ATP8A2: variants seen among roughly 807,000 people sequenced by gnomAD.
ATP8A2 encodes phospholipid-transporting ATPase IB.
A neutral mutation model predicts 165.6 loss-of-function variants in ATP8A2; 100 were observed. The ratio of observed to expected loss-of-function variants is 0.60; its 90% CI spans 0.51 to 0.71. The LOEUF is 0.71. Among genes scored for constraint, ATP8A2 ranks in the 30% least tolerant of loss-of-function variants. ATP8A2 has a pLI of 0.00. For missense variants in ATP8A2, 1,227 were observed against 1,479.5 expected (o/e 0.83, Z 2.80); for synonymous variants, 543 against 548.8 (o/e 0.99, Z 0.15).
intron 24 of ATP8A2, among the ~76,000 whole-genome samples, chr13:25,685,489 A>G (rs780677718): frequency 1.3e-5 from 2 of 152,164 alleles, no homozygotes; most frequent in Admixed American, 1.3e-4. Flanking sequence ...TCAGTAAAAG[A>G]TGTAGAAGAC....
chr13:25,693,080 G>A (rs1437549893), intron 24 of ATP8A2, among the ~76,000 whole-genome samples: 1 of 152,064 alleles, frequency 6.6e-6, no homozygotes, highest in Admixed American at 6.6e-5. Flanking sequence ...TTCAGTAATT[G>A]GCTTTTTATT....
At chr13:25,844,236 CT>C (rs35630381) in intron 30 of ATP8A2, among the ~76,000 whole-genome samples, 54,250 of 147,840 alleles carry the variant, frequency 0.37, 10,153 homozygotes, top group Admixed American at 0.43. Flanking sequence ...TCTTATTACA[CT>C]TTTTTTTTTT....
At chr13:25,419,919 T>C (rs898636549) in intron 1 of ATP8A2, among the ~76,000 whole-genome samples, 3 of 152,170 alleles carry the variant, frequency 2.0e-5, no homozygotes, top group Non-Finnish European at 4.4e-5. Flanking sequence ...CAGGCAGTTG[T>C]GGCTCTGATT....
chr13:25,578,862 G>A lies in ATP8A2; in HGVS notation c.1830G>A (p.Glu610=). The change falls in exon 21 of 37, where the codon GAG becomes GAA. Residue 610 remains glutamate (E), a synonymous_variant. Coordinates refer to ENST00000381655, the MANE Select transcript of ATP8A2 (RefSeq NM_016529.6). The stretch of plus-strand genomic sequence containing the variant: ...TTTCAAAAGACTCAAAATATATGGA[G>A]GAAACATTATGCCATCTGGAATACT... ...ERLSKDSKYM[E]ETLCHLEYFA... The A allele has an allele frequency of 6.2e-7, 1 of 1,611,546 alleles. No individual in the cohort carries two copies. Among genetic ancestry groups the A allele is most frequent in the Non-Finnish European group, 8.5e-7 (1 of 1,177,736 alleles).
chr13:25,938,059 T>C lies in ATP8A2; in HGVS notation c.3184-23516T>C, dbSNP rs140715090. On this transcript the variant is annotated intron_variant, in intron 33 of 36. Transcript: ENST00000381655. ...AATTCTGAAACTAGGGAAACTGTAT[T>C]GAAAAGATAAATTGAAATATATTGG... 7.6e-3 allele frequency among the ~76,000 whole-genome samples: 1,152 copies of C among 151,978 alleles called. 17 individuals are homozygous for C. The highest frequency in any genetic ancestry group is 0.063 in the East Asian group (324 of 5,162).
intron 27 of ATP8A2, among the ~76,000 whole-genome samples, chr13:25,816,596 C>T (rs1951025891): frequency 6.6e-6 from 1 of 152,164 alleles, no homozygotes; most frequent in Non-Finnish European, 1.5e-5. Flanking sequence ...ATGCCTGTCC[C>T]CAAACAGAGT....
chr13:25,744,483 C>G (rs1445940360), intron 25 of ATP8A2, among the ~76,000 whole-genome samples: 2 of 152,058 alleles, frequency 1.3e-5, no homozygotes, highest in African/African-American at 4.8e-5. Flanking sequence ...TTCAAAAGAA[C>G]TAAAGCGGGG....
chr13:25,803,664 A>G (rs545899747), intron 27 of ATP8A2, among the ~76,000 whole-genome samples: 1 of 152,350 alleles, frequency 6.6e-6, no homozygotes, highest in South Asian at 2.1e-4. Context: ...AAGTTCTGCC[A>G]ATCCTTCAAA....
chr13:25,827,398 C>T (rs566886000), intron 27 of ATP8A2, among the ~76,000 whole-genome samples: 2 of 152,318 alleles, frequency 1.3e-5, no homozygotes, highest in South Asian at 4.1e-4. Context: ...AGGCATGAGC[C>T]ACCACGCCCG....
At chr13:25,964,385 AG>A (rs914089633) in intron 34 of ATP8A2, among the ~76,000 whole-genome samples, 7 of 152,192 alleles carry the variant, frequency 4.6e-5, no homozygotes, top group African/African-American at 1.7e-4. Context: ...TTTGATCGTG[AG>A]GCCCATATTA....
At chr13:25,638,966 A>G (rs2041442844) in intron 24 of ATP8A2, among the ~76,000 whole-genome samples, 2 of 152,194 alleles carry the variant, frequency 1.3e-5, no homozygotes, top group African/African-American at 2.4e-5. Context: ...ATTCTTAAAG[A>G]AAAGAATTTT....
At chr13:25,542,086 G>A in intron 9 of ATP8A2, 40 bp downstream of exon 9, 3 of 1,579,250 alleles carry the variant, frequency 1.9e-6, no homozygotes, top group Non-Finnish European at 2.6e-6. Flanking sequence ...TAAACTATGT[G>A]ACTAAGAATT....
chr13:25,970,666 T>C (rs1955891829), intron 35 of ATP8A2, among the ~76,000 whole-genome samples: 1 of 152,184 alleles, frequency 6.6e-6, no homozygotes, highest in Non-Finnish European at 1.5e-5. Flanking sequence ...GTTCGTGAAA[T>C]ATGTACAACG....
chr13:25,682,784 C>T (rs527326992), intron 24 of ATP8A2, among the ~76,000 whole-genome samples: 5 of 152,254 alleles, frequency 3.3e-5, no homozygotes, highest in East Asian at 1.9e-4. Context: ...ACCCCGCCTG[C>T]CCCAGGTGGG....
chr13:25,842,663 C>T (rs1214507923), intron 30 of ATP8A2, among the ~76,000 whole-genome samples: 3 of 126,154 alleles, frequency 2.4e-5, no homozygotes, highest in Non-Finnish European at 3.3e-5. Context: ...AAAAGCAAAA[C>T]TCTGTCAAAA....
At chr13:25,628,181 T>C (rs2041150997) in intron 24 of ATP8A2, among the ~76,000 whole-genome samples, 1 of 152,236 alleles carries the variant, frequency 6.6e-6, no homozygotes, top group African/African-American at 2.4e-5. Flanking sequence ...AAACCCATGC[T>C]GTCTGCCTCT....
chr13:25,429,487 G>A (rs2034545608), intron 1 of ATP8A2, among the ~76,000 whole-genome samples: 1 of 152,090 alleles, frequency 6.6e-6, no homozygotes, highest in Admixed American at 6.5e-5. Flanking sequence ...AAAATGGTCA[G>A]CTGGATGGCT....
chr13:25,656,310 C>T (rs1404302889), intron 24 of ATP8A2, among the ~76,000 whole-genome samples: 1 of 151,756 alleles, frequency 6.6e-6, no homozygotes, highest in African/African-American at 2.4e-5. Context: ...GAGTCTTACT[C>T]TGTCGCCCAG....
At chr13:25,452,801 ATAACT>A (rs1346329929) in intron 1 of ATP8A2, among the ~76,000 whole-genome samples, 6 of 152,150 alleles carry the variant, frequency 3.9e-5, no homozygotes, top group African/African-American at 1.4e-4. Context: ...TGAATTAAAA[ATAACT>A]TAGGGTAGGC....
Sources: allele counts gnomAD v4.1 joint callset (sites outside exome capture counted in the v4.1 genomes callset), GRCh38; gene constraint gnomAD v4.1.1; transcripts MANE v1.5; gene names NCBI Gene and HGNC (gene_info 2026-07-23, HGNC 2026-07-21).